COL21A1: variants seen among roughly 807,000 people sequenced by gnomAD.
COL21A1 encodes the protein collagen alpha-1(XXI) chain.
COL21A1 carries 149 observed loss-of-function variants against 137.9 expected under a neutral mutation model. That is an observed-to-expected ratio of 1.08 (90% CI 0.95 to 1.24). COL21A1 has a LOEUF of 1.24. COL21A1 is among the 50% of genes most tolerant of loss of function. The pLI is 0.00. For synonymous variants in COL21A1, 456 were observed against 391.5 expected (o/e 1.16, Z -1.95); for missense variants, 1,167 against 1,158.4 (o/e 1.01, Z -0.11).
chr6:56,078,151 G>A (rs1767406431), intron 17 of COL21A1: 2 of 455,728 alleles, frequency 4.4e-6, no homozygotes, highest in Non-Finnish European at 8.8e-6. Flanking sequence ...AAGAAGTACA[G>A]GTCACTCTTT....
intron 9 of COL21A1, among the ~76,000 whole-genome samples, chr6:56,163,482 G>A (rs562923807): frequency 6.6e-6 from 1 of 152,060 alleles, no homozygotes; most frequent in Non-Finnish European, 1.5e-5. Flanking sequence ...AGGTGGAGGC[G>A]GGCGGATCAC....
chr6:56,149,856 G>A (rs1034347835), intron 10 of COL21A1, among the ~76,000 whole-genome samples: 8 of 152,176 alleles, frequency 5.3e-5, no homozygotes, highest in African/African-American at 1.4e-4. Context: ...CTGTGTTTGC[G>A]CTCATCTTCC....
chr6:56,118,262 A>C (rs1772123134), intron 16 of COL21A1, among the ~76,000 whole-genome samples: 1 of 151,978 alleles, frequency 6.6e-6, no homozygotes, highest in African/African-American at 2.4e-5. Flanking sequence ...TATAAATGAT[A>C]CTGCAGAAAT....
chr6:56,293,966 C>A (rs944945429), intron 1 of COL21A1, among the ~76,000 whole-genome samples: 2 of 152,110 alleles, frequency 1.3e-5, no homozygotes, highest in African/African-American at 4.8e-5. Context: ...GGAATTTATC[C>A]TGGTTTATTG....
chr6:56,187,544 C>T (rs566405784), intron 1 of COL21A1, among the ~76,000 whole-genome samples: 78 of 152,200 alleles, frequency 5.1e-4, no homozygotes, highest in African/African-American at 1.8e-3. Context: ...CTTACATGGT[C>T]GATTGATTTT....
chr6:56,119,989 T>C (rs1447962027), intron 16 of COL21A1, among the ~76,000 whole-genome samples: 1 of 152,182 alleles, frequency 6.6e-6, no homozygotes. Flanking sequence ...CTCCAGGACA[T>C]TGATCTCAGA....
At chr6:56,305,635 C>A (rs868852221) in intron 1 of COL21A1, among the ~76,000 whole-genome samples, 9 of 152,118 alleles carry the variant, frequency 5.9e-5, no homozygotes, top group Admixed American at 5.9e-4. Context: ...GTCTCATGCA[C>A]GTGAGATGGG....
chr6:56,277,827 G>C (rs547710350), intron 1 of COL21A1, among the ~76,000 whole-genome samples: 7 of 152,288 alleles, frequency 4.6e-5, no homozygotes, highest in African/African-American at 1.7e-4. Flanking sequence ...GAGACAGAAA[G>C]GTGGTTATTA....
At chr6:56,332,593 C>T (rs6459152) in intron 1 of COL21A1, among the ~76,000 whole-genome samples, 103,396 of 148,856 alleles carry the variant, frequency 0.69, 36,243 homozygotes, top group East Asian at 0.9. Context: ...CCCCCGCCCC[C>T]GCCAAAAAGG....
intron 12 of COL21A1, among the ~76,000 whole-genome samples, chr6:56,130,165 T>TTATATATATTTA (rs1773411212): frequency 9.3e-6 from 1 of 107,942 alleles, no homozygotes; most frequent in Admixed American, 1.0e-4. Context: ...TGACAGGGTT[T>TTATATATATTTA]TATATATATA....
intron 1 of COL21A1, among the ~76,000 whole-genome samples, chr6:56,368,466 A>G (rs1171227695): frequency 6.6e-6 from 1 of 152,238 alleles, no homozygotes; most frequent in African/African-American, 2.4e-5. Context: ...GAAAAAATTC[A>G]ATGTGAAATG....
chr6:56,247,990 T>G (rs1395387016), upstream of COL21A1, among the ~76,000 whole-genome samples: 1 of 152,210 alleles, frequency 6.6e-6, no homozygotes, highest in African/African-American at 2.4e-5. Context: ...TGATGTTCCT[T>G]GCTTTCAACC....
At chr6:56,288,677 C>T (rs1460933628) in intron 1 of COL21A1, among the ~76,000 whole-genome samples, 1 of 152,144 alleles carries the variant, frequency 6.6e-6, no homozygotes, top group Non-Finnish European at 1.5e-5. Context: ...GTATACAAGC[C>T]AAAACCAAGG....
At chr6:56,230,179 A>G (rs956330618) in intron 1 of COL21A1, among the ~76,000 whole-genome samples, 8 of 152,030 alleles carry the variant, frequency 5.3e-5, no homozygotes, top group African/African-American at 1.9e-4. Context: ...GTCCCAACTA[A>G]GCCAGATATA....
chr6:56,125,980 C>T (rs760348414), intron 13 of COL21A1, 116 bp downstream of exon 13: 294 of 524,090 alleles, frequency 5.6e-4, no homozygotes, highest in Non-Finnish European at 8.6e-4. Flanking sequence ...CCATTGTTTA[C>T]TTTATCTCTA....
intron 17 of COL21A1, 122 bp downstream of exon 17, chr6:56,101,350 T>C (rs545320135): frequency 1.3e-6 from 1 of 744,792 alleles, no homozygotes; most frequent in East Asian, 2.7e-5. Flanking sequence ...CTACAACATC[T>C]AAAATCTGGA....
chr6:56,282,780 G>A (rs1763812029), intron 1 of COL21A1, among the ~76,000 whole-genome samples: 2 of 152,198 alleles, frequency 1.3e-5, no homozygotes, highest in African/African-American at 4.8e-5. Flanking sequence ...TTACCTGGAT[G>A]ATAGATTTGT....
At chr6:56,207,379 A>G (rs1779863254) in intron 1 of COL21A1, among the ~76,000 whole-genome samples, 1 of 152,216 alleles carries the variant, frequency 6.6e-6, no homozygotes, top group South Asian at 2.1e-4. Flanking sequence ...ACAGAAATAC[A>G]AACTACCATC....
chr6:56,266,858 T>C (rs1763405611), intron 1 of COL21A1, among the ~76,000 whole-genome samples: 1 of 152,218 alleles, frequency 6.6e-6, no homozygotes, highest in Non-Finnish European at 1.5e-5. Flanking sequence ...AGAAAATAAT[T>C]TTACTATTCC....
Sources: gnomAD v4.1 joint callset for allele counts (sites outside exome capture counted in the v4.1 genomes callset) on GRCh38, gnomAD v4.1.1 for gene constraint, MANE v1.5 for transcripts, NCBI Gene and HGNC (gene_info 2026-07-23, HGNC 2026-07-21) for gene names.